Variants in TTC27 observed in about 807,000 individuals in gnomAD.
The protein encoded by TTC27 is tetratricopeptide repeat protein 27.
Under a neutral mutation model 115.9 loss-of-function variants are expected in TTC27, and 79 were observed. The observed-to-expected ratio is 0.68, with a 90% CI of 0.57 to 0.82. TTC27 has a LOEUF of 0.82. Among genes scored for constraint, TTC27 ranks in the 40% least tolerant of loss-of-function variants. TTC27 has a pLI of 0.00. For synonymous variants in TTC27, 401 were observed against 356.0 expected (o/e 1.13, Z -1.42); for missense variants, 1,054 against 993.1 (o/e 1.06, Z -0.82).
intron 13 of TTC27, among the ~76,000 whole-genome samples, chr2:32,773,913 T>C (rs551919865): frequency 7.0e-4 from 107 of 152,294 alleles, no homozygotes; most frequent in African/African-American, 2.6e-3. Flanking sequence ...AGTGTAACTG[T>C]GTTAATAATG....
intron 12 of TTC27, among the ~76,000 whole-genome samples, chr2:32,737,982 C>T (rs1046672616): frequency 3.9e-5 from 6 of 152,142 alleles, no homozygotes; most frequent in African/African-American, 1.4e-4. Flanking sequence ...TGCCACCGCA[C>T]TGCAGCCTAG....
intron 12 of TTC27, among the ~76,000 whole-genome samples, chr2:32,737,991 A>G (rs1668501665): frequency 2.6e-5 from 4 of 152,148 alleles, no homozygotes; most frequent in Admixed American, 6.5e-5. Flanking sequence ...ACTGCAGCCT[A>G]GACGACACAG....
chr2:32,752,459 A>G (rs1323024350), intron 12 of TTC27, among the ~76,000 whole-genome samples: 1 of 152,186 alleles, frequency 6.6e-6, no homozygotes, highest in African/African-American at 2.4e-5. Flanking sequence ...TTGAGCAAAT[A>G]ATTTAGAACC....
chr2:32,628,498 T>G (rs997899822), intron 1 of TTC27, 118 bp downstream of exon 1: 1 of 1,067,608 alleles, frequency 9.4e-7, no homozygotes, highest in Non-Finnish European at 1.3e-6. Flanking sequence ...GCTGATTCCT[T>G]GAGGCTTTGG....
chr2:32,786,874 G>A (rs537075150), intron 15 of TTC27, 110 bp from the exon 16 acceptor site: 1 of 963,940 alleles, frequency 1.0e-6, no homozygotes, highest in East Asian at 2.7e-5. Context: ...TTGTTTATAT[G>A]AACGAATAAG....
chr2:32,649,361 T>C (rs1182565352), intron 4 of TTC27, among the ~76,000 whole-genome samples: 4 of 151,666 alleles, frequency 2.6e-5, no homozygotes, highest in African/African-American at 4.8e-5. Context: ...GTGAACAACA[T>C]TGGAACCTGA....
At chr2:32,775,433 C>A (rs181916687) in intron 13 of TTC27, among the ~76,000 whole-genome samples, 1 of 152,112 alleles carries the variant, frequency 6.6e-6, no homozygotes, top group Non-Finnish European at 1.5e-5. Flanking sequence ...CTCCTGACCT[C>A]GTGATCCACC....
At chr2:32,645,001 C>G (rs576918061) in intron 4 of TTC27, among the ~76,000 whole-genome samples, 1 of 150,554 alleles carries the variant, frequency 6.6e-6, no homozygotes, top group Non-Finnish European at 1.5e-5. Context: ...TGGCTTATAT[C>G]TTTCTCTTAA....
intron 2 of TTC27, among the ~76,000 whole-genome samples, chr2:32,631,742 T>C (rs926900598): frequency 7.2e-5 from 11 of 152,170 alleles, no homozygotes; most frequent in African/African-American, 2.7e-4. Context: ...CCCATATTCA[T>C]AAGGAGTTTG....
chr2:32,732,716 G>T (rs926267012), intron 10 of TTC27, among the ~76,000 whole-genome samples: 2 of 152,150 alleles, frequency 1.3e-5, no homozygotes, highest in Non-Finnish European at 2.9e-5. Flanking sequence ...TGGAGAGTAA[G>T]TTGCCAACAT....
chr2:32,792,156 T>C (rs1670558601), intron 16 of TTC27, among the ~76,000 whole-genome samples: 1 of 152,182 alleles, frequency 6.6e-6, no homozygotes. Context: ...TTGTCCTTTG[T>C]GTGTATTTTT....
chr2:32,709,872 T>C (rs1478405999), intron 10 of TTC27, among the ~76,000 whole-genome samples: 5 of 152,248 alleles, frequency 3.3e-5, no homozygotes, highest in African/African-American at 4.8e-5. Flanking sequence ...TTTTAAAGTT[T>C]ATTAAAAATT....
intron 4 of TTC27, among the ~76,000 whole-genome samples, chr2:32,647,986 T>C (rs1664929320): frequency 6.6e-6 from 1 of 152,196 alleles, no homozygotes; most frequent in African/African-American, 2.4e-5. Flanking sequence ...AAATTACTTA[T>C]CATAACTTGT....
chr2:32,686,685 A>G (rs78578952), intron 9 of TTC27, among the ~76,000 whole-genome samples: 210 of 151,922 alleles, frequency 1.4e-3, no homozygotes, highest in African/African-American at 4.8e-3. Context: ...TCTGATTGGA[A>G]CTACCCTTCT....
intron 12 of TTC27, among the ~76,000 whole-genome samples, chr2:32,749,938 C>T (rs1419069712): frequency 6.6e-6 from 1 of 152,098 alleles, no homozygotes; most frequent in Admixed American, 6.5e-5. Context: ...TCACTTAGGC[C>T]TGTTTTATGG....
At chr2:32,742,606 G>C (rs1668683160) in intron 12 of TTC27, among the ~76,000 whole-genome samples, 1 of 152,208 alleles carries the variant, frequency 6.6e-6, no homozygotes, top group African/African-American at 2.4e-5. Flanking sequence ...CCTCTCAGCT[G>C]CTGCTCATAG....
In TTC27 at chr2:32,649,867, G is replaced by C. The variant is rs1665021727; in HGVS notation, c.538-264G>C. Among the ~76,000 whole-genome samples, 3 of 151,906 alleles carry C rather than the reference G, an allele frequency of 2.0e-5. No individual in the cohort carries two copies. In the South Asian group the frequency reaches 6.2e-4, roughly 31 times the overall value. Reference sequence around the variant, plus strand: ...CCACAACATATATTTTAAAGGAGGAGTTGGTAAGTTCAAAATGGCATAAGG... The same window carrying C: ...CCACAACATATATTTTAAAGGAGGACTTGGTAAGTTCAAAATGGCATAAGG... On this transcript the variant is annotated intron_variant, in intron 4 of 19. Coordinates refer to ENST00000317907, the MANE Select transcript of TTC27 (RefSeq NM_017735.5).
chr2:32,778,000 T>C lies in TTC27; in HGVS notation c.1779+20T>C, dbSNP rs763496335. ...CCCGATGTAAGTTTGTTTGATCTTC[T>C]GTCCTTACGTGGCTCTTTACTCTCT... On this transcript the variant is annotated intron_variant, in intron 14 of 19. Transcript: ENST00000317907. 1.2e-6 allele frequency: 2 copies of C among 1,609,458 alleles called. No homozygotes were observed. The highest frequency in any genetic ancestry group is 1.7e-6 in the Non-Finnish European group (2 of 1,175,856).
chr2:32,643,951 C>T (rs1211273251), intron 4 of TTC27, among the ~76,000 whole-genome samples: 1 of 151,708 alleles, frequency 6.6e-6, no homozygotes, highest in African/African-American at 2.4e-5. Context: ...GAGGTCGAGG[C>T]AGGTGGATCA....
Sources: gnomAD v4.1 joint callset for allele counts (sites outside exome capture counted in the v4.1 genomes callset) on GRCh38, gnomAD v4.1.1 for gene constraint, MANE v1.5 for transcripts, NCBI Gene and HGNC (gene_info 2026-07-23, HGNC 2026-07-21) for gene names.